Variants in BCAS3 observed in about 807,000 individuals in gnomAD.
BCAS3 encodes BCAS3 microtubule associated cell migration factor.
In BCAS3, 53 loss-of-function variants were observed where a neutral mutation model predicts 116.1. That is an observed-to-expected ratio of 0.46 (90% CI 0.37 to 0.57). BCAS3 has a LOEUF of 0.57. Among genes scored for constraint, BCAS3 ranks in the 20% least tolerant of loss-of-function variants. The pLI is 0.00. For missense variants in BCAS3, 917 were observed against 1,165.4 expected (o/e 0.79, Z 3.10); for synonymous variants, 391 against 408.2 (o/e 0.96, Z 0.51).
rs1601480519 is a variant in BCAS3, at chr17:61,131,930, C to T, written c.2425+47366C>T. 6.6e-6 allele frequency among the ~76,000 whole-genome samples: 1 copy of T among 152,294 alleles called. No homozygotes were observed. The highest frequency in any genetic ancestry group is 1.5e-5 in the Non-Finnish European group (1 of 68,032). ...CTTCTTTGTTGTTTATTTCTCATGG[C>T]ACTGGAAACATTTTTCTTTTCCTCT... On this transcript the variant is annotated intron_variant, in intron 22 of 23. Coordinates refer to ENST00000407086, the MANE Select transcript of BCAS3 (RefSeq NM_017679.5). This position sits in a 1 kb window ranked among gnomAD's most constrained non-coding sequence, Gnocchi z 4.4.
At chr17:60,799,475 G>A (rs990124655) in intron 6 of BCAS3, among the ~76,000 whole-genome samples, 16 of 145,298 alleles carry the variant, frequency 1.1e-4, no homozygotes, top group African/African-American at 3.4e-4. Context: ...ATTCAAGACT[G>A]TTACATAGTA....
At chr17:61,272,002 G>A (rs890248298) in intron 22 of BCAS3, among the ~76,000 whole-genome samples, 1 of 148,286 alleles carries the variant, frequency 6.7e-6, no homozygotes, top group Non-Finnish European at 1.5e-5. Context: ...TAGAGATGAT[G>A]TATCGTTCTG....
chr17:60,689,615 CTT>C (rs2034550397), intron 3 of BCAS3, 69 bp from the exon 4 acceptor site: 1 of 1,172,218 alleles, frequency 8.5e-7, no homozygotes, highest in Non-Finnish European at 1.2e-6. Context: ...CTTTAAGTCA[CTT>C]TGTTTTGAAC....
chr17:60,916,029 G>A lies in BCAS3; in HGVS notation c.993+5327G>A, dbSNP rs148141401. Among the ~76,000 whole-genome samples the A allele has an allele frequency of 5.7e-3, 875 of 152,232 alleles. 6 individuals carry two copies. The highest frequency in any genetic ancestry group is 0.02 in the African/African-American group (815 of 41,542). ...CTCTGTTGTATTCCATTGTATGAAT[G>A]TGTCAGTTTGTTCAATTATTCACCC... On this transcript the variant is annotated intron_variant, in intron 12 of 23. Transcript: ENST00000407086.
At chr17:60,722,204 T>G (rs954606100) in intron 5 of BCAS3, among the ~76,000 whole-genome samples, 5 of 152,204 alleles carry the variant, frequency 3.3e-5, no homozygotes, top group African/African-American at 1.2e-4. Flanking sequence ...CAAAAAATGG[T>G]AATTTTTGGT....
intron 22 of BCAS3, among the ~76,000 whole-genome samples, chr17:61,174,485 G>A (rs1003839469): frequency 6.6e-6 from 1 of 152,174 alleles, no homozygotes; most frequent in Non-Finnish European, 1.5e-5. Context: ...TGTCACAAAT[G>A]ACAGGATTTC....
At chr17:61,330,278 C>T (rs921023568) in intron 22 of BCAS3, among the ~76,000 whole-genome samples, 1 of 133,982 alleles carries the variant, frequency 7.5e-6, no homozygotes, top group Non-Finnish European at 1.6e-5. Flanking sequence ...TCTCTTGAGA[C>T]CTGGTCTTGC....
rs1207045962 is a variant in BCAS3 at position 61,224,239 on chromosome 17, A to G, written c.2425+139675A>G. Among the ~76,000 whole-genome samples, 1 of 152,216 alleles carries G rather than the reference A, an allele frequency of 6.6e-6. No individual in the cohort carries two copies. Among genetic ancestry groups the G allele is most frequent in the Non-Finnish European group, 1.5e-5 (1 of 68,038 alleles). On this transcript the variant is annotated intron_variant, in intron 22 of 23. Transcript: ENST00000407086. This position sits in a 1 kb window ranked among gnomAD's most constrained non-coding sequence, Gnocchi z 5.7. Reference sequence around the variant, plus strand: ...GATGATGGGAAGATATACAAAGTAAAGTTCTTGTTAGCAGGAAGATGGACT... The same window carrying G: ...GATGATGGGAAGATATACAAAGTAAGGTTCTTGTTAGCAGGAAGATGGACT...
At chr17:61,177,892 A>G (rs1324363386) in intron 22 of BCAS3, among the ~76,000 whole-genome samples, 1 of 152,162 alleles carries the variant, frequency 6.6e-6, no homozygotes, top group Non-Finnish European at 1.5e-5. Flanking sequence ...TTAATGAGAG[A>G]GCTAAATTCA....
chr17:61,254,660 C>T (rs2048634169), intron 22 of BCAS3, among the ~76,000 whole-genome samples: 1 of 149,474 alleles, frequency 6.7e-6, no homozygotes. Context: ...GCCTGTAGTC[C>T]CAGCTACTCA....
chr17:61,009,522 T>C (rs938999553), intron 15 of BCAS3, among the ~76,000 whole-genome samples: 8 of 152,074 alleles, frequency 5.3e-5, no homozygotes, highest in African/African-American at 1.9e-4. Context: ...ACTATTGTCA[T>C]TTGATTCCTT....
Position 60,957,650 on chromosome 17 carries a change from A to G in BCAS3, c.1221+10298A>G, listed in dbSNP as rs373677325. Among the ~76,000 whole-genome samples, 179 of 152,252 alleles carry G rather than the reference A, an allele frequency of 1.2e-3. 1 individual carries two copies. Among genetic ancestry groups the G allele is most frequent in the African/African-American group, 4.2e-3 (174 of 41,544 alleles). ...TTCAGGACATTTTTGTAATCCTTAAACCACTTATCCATTAGCAGTCACTCC... is the reference window on the plus strand; with the variant it reads ...TTCAGGACATTTTTGTAATCCTTAAGCCACTTATCCATTAGCAGTCACTCC... On this transcript the variant is annotated intron_variant, in intron 14 of 23. Transcript: ENST00000407086.
intron 15 of BCAS3, among the ~76,000 whole-genome samples, chr17:61,001,192 T>A: frequency 6.6e-6 from 1 of 152,140 alleles, no homozygotes; most frequent in East Asian, 1.9e-4. Flanking sequence ...TTGATGAGAC[T>A]CGGAGACCTT....
chr17:61,171,681 C>T lies in BCAS3; in HGVS notation c.2425+87117C>T, dbSNP rs1183333165. The stretch of plus-strand genomic sequence containing the variant: ...TGTTGCCAAGGCTGATATGCAGTGA[C>T]ATGATTACAGCTCACTGCAGCCTCA... On this transcript the variant is annotated intron_variant, in intron 22 of 23. Coordinates refer to ENST00000407086, the MANE Select transcript of BCAS3 (RefSeq NM_017679.5). The surrounding 1 kb of genome is among the most constrained non-coding windows in gnomAD (Gnocchi z 4.1). Among the ~76,000 whole-genome samples, 1 of 151,934 alleles carries T rather than the reference C, an allele frequency of 6.6e-6. No individual in the cohort carries two copies. The highest frequency in any genetic ancestry group is 2.4e-5 in the African/African-American group (1 of 41,354).
In BCAS3 at chr17:60,832,992, C is replaced by T. The variant is rs372029143; in HGVS notation, c.476+24916C>T. ...TGCCTTTAAAGGCAGTGTTTCTATA[C>T]AATGTAAAATACAAGTACCATGACA... On this transcript the variant is annotated intron_variant, in intron 7 of 23. Transcript: ENST00000407086. Among the ~76,000 whole-genome samples the T allele has an allele frequency of 2.1e-3, 320 of 152,240 alleles. 2 individuals carry two copies. Among genetic ancestry groups the T allele is most frequent in the South Asian group, 5.4e-3 (26 of 4,812 alleles).
intron 22 of BCAS3, among the ~76,000 whole-genome samples, chr17:61,269,350 A>G (rs1446641531): frequency 6.6e-6 from 1 of 151,916 alleles, no homozygotes; most frequent in African/African-American, 2.4e-5. Context: ...CCCGACCTCA[A>G]GTAATCCACC....
In BCAS3 at chr17:61,007,009, A is replaced by G. The variant is rs1004481956; in HGVS notation, c.1487-8742A>G. Among the ~76,000 whole-genome samples the G allele has an allele frequency of 1.3e-5, 2 of 152,078 alleles. No homozygotes were observed. The highest frequency in any genetic ancestry group is 4.8e-5 in the African/African-American group (2 of 41,422). ...CTCTTAATAAACTTTCTTCATTCCA[A>G]AATCTTGGAGTGCTCTAAGAATAAT... On this transcript the variant is annotated intron_variant, in intron 15 of 23. Coordinates refer to ENST00000407086, the MANE Select transcript of BCAS3 (RefSeq NM_017679.5). This position sits in a 1 kb window ranked among gnomAD's most constrained non-coding sequence, Gnocchi z 4.3.
Position 61,363,526 on chromosome 17 carries a change from T to C in BCAS3, c.2426-4801T>C, listed in dbSNP as rs1448394817. Among the ~76,000 whole-genome samples the C allele has an allele frequency of 6.6e-6, 1 of 151,638 alleles. No homozygotes were observed. Among genetic ancestry groups the C allele is most frequent in the Admixed American group, 6.6e-5 (1 of 15,228 alleles). Reference sequence around the variant, plus strand: ...CAATGGTGATCATTGTTGCTTCCCATAGTTTGGTGAAGTCACATAAGCTCC... The same window carrying C: ...CAATGGTGATCATTGTTGCTTCCCACAGTTTGGTGAAGTCACATAAGCTCC... On this transcript the variant is annotated intron_variant, in intron 22 of 23. Coordinates refer to ENST00000407086, the MANE Select transcript of BCAS3 (RefSeq NM_017679.5). The surrounding 1 kb of genome is among the most constrained non-coding windows in gnomAD (Gnocchi z 4.9).
chr17:61,164,857 C>T (rs937139898), intron 22 of BCAS3, among the ~76,000 whole-genome samples: 1 of 152,218 alleles, frequency 6.6e-6, no homozygotes, highest in Non-Finnish European at 1.5e-5. Flanking sequence ...TTAGTATCCA[C>T]AAATGATGGA....
Sources: gnomAD v4.1 joint callset for allele counts (sites outside exome capture counted in the v4.1 genomes callset) on GRCh38, gnomAD v4.1.1 for gene constraint, Gnocchi (gnomAD v3.1) non-coding constraint, MANE v1.5 for transcripts, NCBI Gene and HGNC (gene_info 2026-07-23, HGNC 2026-07-21) for gene names.